The following FBN2 variants were observed in gnomAD, a reference collection of about 807,000 sequenced individuals.
FBN2 encodes fibrillin-2.
A neutral mutation model predicts 355.6 loss-of-function variants in FBN2; 105 were observed. That is an observed-to-expected ratio of 0.30 (90% CI 0.25 to 0.35). The LOEUF (loss-of-function observed/expected upper bound fraction) is 0.35. Ranked by LOEUF, FBN2 falls within the 10% of genes least tolerant of loss-of-function variation. The pLI is 1.00. For missense variants in FBN2, 3,280 were observed against 3,758.7 expected (o/e 0.87, Z 3.33); for synonymous variants, 1,350 against 1,301.2 (o/e 1.04, Z -0.81).
intron 62 of FBN2, among the ~76,000 whole-genome samples, chr5:128,266,177 G>T (rs1765110051): frequency 6.6e-6 from 1 of 152,174 alleles, no homozygotes; most frequent in Non-Finnish European, 1.5e-5. Flanking sequence ...AAGAAAGTCA[G>T]CAATTTTATT....
At chr5:128,462,043 T>C (rs1015551407) in intron 6 of FBN2, among the ~76,000 whole-genome samples, 13 of 152,192 alleles carry the variant, frequency 8.5e-5, no homozygotes, top group Non-Finnish European at 1.8e-4. Flanking sequence ...ATTATCTTAA[T>C]TTCCTGTTGT....
At chr5:128,395,006 G>T in intron 9 of FBN2, 116 bp downstream of exon 9, 2 of 1,197,692 alleles carry the variant, frequency 1.7e-6, no homozygotes, top group South Asian at 2.5e-5. Flanking sequence ...GGCTGGTTTT[G>T]AACTTCTGGA....
At chr5:128,260,709 C>T (rs1170792805) in intron 64 of FBN2, among the ~76,000 whole-genome samples, 2 of 152,164 alleles carry the variant, frequency 1.3e-5, no homozygotes, top group Non-Finnish European at 2.9e-5. Flanking sequence ...GTAACACTGG[C>T]TTATTTATTA....
chr5:128,291,925 C>A (rs1209589097), intron 48 of FBN2, among the ~76,000 whole-genome samples: 1 of 152,108 alleles, frequency 6.6e-6, no homozygotes, highest in African/African-American at 2.4e-5. Flanking sequence ...CTGACATGAA[C>A]AACTCCATGT....
At chr5:128,400,278 T>A (rs1199877390) in intron 8 of FBN2, among the ~76,000 whole-genome samples, 2 of 150,494 alleles carry the variant, frequency 1.3e-5, no homozygotes, top group Non-Finnish European at 3.0e-5. Context: ...GAAAAAAAAA[T>A]AGAGTCAATA....
chr5:128,393,351 A>G lies in FBN2; in HGVS notation c.1249T>C (p.Cys417Arg). ...CCTCCCATTGGAAGTCCATCCATGC[A>G]AAGTCTGCGATATTCCTCTAGAAGA... ...VRGSEEYRRL[C>R]MDGLPMGGIP... The change falls in exon 10 of 65, where the codon TGC becomes CGC. Residue 417 changes from cysteine to arginine, a missense_variant. By Grantham distance (180) the Cys-to-Arg change is radical. Around this residue, in one of 6 missense-constraint regions of FBN2, gnomAD observed 343 missense variants for 331.0 expected, o/e 1.04. Coordinates refer to ENST00000262464, the MANE Select transcript of FBN2 (RefSeq NM_001999.4). 1 of 1,614,120 alleles carries G rather than the reference A, an allele frequency of 6.2e-7. No individual in the cohort carries two copies. Among genetic ancestry groups the G allele is most frequent in the Non-Finnish European group, 8.5e-7 (1 of 1,179,980 alleles).
rs749647897 is a variant in FBN2 at position 128,301,395 on chromosome 5, G to C, written c.6033C>G (p.Gly2011=). ...CNEGYELTPD[G]KNCIDTNECV... ...TTAAATACTTACCTATACAGTTTTT[G>C]CCATCTGGGGTAAGTTCATAACCTT... Residue 2011 remains glycine (G), a synonymous_variant, in exon 47 of 65, where the codon GGC becomes GGG. Coordinates refer to ENST00000262464, the MANE Select transcript of FBN2 (RefSeq NM_001999.4). 5.0e-6 allele frequency: 8 copies of C among 1,612,948 alleles called. 1 individual carries two copies. The East Asian group carries it at 1.8e-4, about 36-fold the overall frequency.
Position 128,311,321 on chromosome 5 carries a change from C to T in FBN2, c.5053G>A (p.Glu1685Lys), listed in dbSNP as rs1750051032. 4.3e-6 allele frequency: 7 copies of T among 1,614,108 alleles called. No individual in the cohort carries two copies. Among genetic ancestry groups the T allele is most frequent in the South Asian group, 1.1e-5 (1 of 91,086 alleles). The change falls in exon 39 of 65, where the codon GAG becomes AAG. Residue 1685 changes from glutamate (E) to lysine (K), a missense_variant. Glu to Lys is a moderately conservative substitution (Grantham distance 56, BLOSUM62 1). Coordinates refer to ENST00000262464, the MANE Select transcript of FBN2 (RefSeq NM_001999.4). ...TCACCTTCACAGATGCGGGTATCCT[C>T]GCTGAGGTAGTAGCCTTGTGGGCAC... ...CECPQGYYLS[E>K]DTRICEDIDE...
At chr5:128,495,474 TA>T (rs1755632493) in intron 5 of FBN2, among the ~76,000 whole-genome samples, 1 of 152,012 alleles carries the variant, frequency 6.6e-6, no homozygotes, top group African/African-American at 2.4e-5. Flanking sequence ...GTTTAAGTAG[TA>T]AAAATGCAAA....
Position 128,280,206 on chromosome 5 carries a change from C to T in FBN2, c.7124G>A (p.Gly2375Asp). The change falls in exon 56 of 65, where the codon GGC becomes GAC. Residue 2375 changes from glycine (G) to aspartate (D), a missense_variant. By Grantham distance (94) the Gly-to-Asp change is moderately conservative (BLOSUM62 -1). Around this residue, in one of 6 missense-constraint regions of FBN2, gnomAD observed 2,284 missense variants for 2,749.5 expected, o/e 0.83. Transcript: ENST00000262464. The stretch of plus-strand genomic sequence containing the variant: ...TGTCAACTTACCAAGGCATTCAGTG[C>T]CTGAAGAACTTGACTGGAATCCTTC... ...CNEGFQSSSS[G>D]TECLDNRQGL... 6.2e-7 allele frequency: 1 copy of T among 1,612,182 alleles called. No individual in the cohort carries two copies. The highest frequency in any genetic ancestry group is 8.5e-7 in the Non-Finnish European group (1 of 1,178,650).
In FBN2 at chr5:128,281,059, C is replaced by G. The variant is rs973037172; in HGVS notation, c.7013-742G>C. ...TATACTTAAAATTTTTAAAAATTTA[C>G]TGACATTTATATTTGCATGCACTTT... On this transcript the variant is annotated intron_variant, in intron 55 of 64. Coordinates refer to ENST00000262464, the MANE Select transcript of FBN2 (RefSeq NM_001999.4). Among the ~76,000 whole-genome samples the G allele has an allele frequency of 3.9e-5, 6 of 152,144 alleles. No homozygotes were observed. In the South Asian group the frequency reaches 1.2e-3, roughly 32 times the overall value.
Position 128,334,721 on chromosome 5 carries a change from G to A in FBN2, c.4097C>T (p.Thr1366Ile), listed in dbSNP as rs1181721525. ...YSVKKGTTGC[T>I]DVDECEIGAH... ...GAGAACACAAGCTTGAAACCTACCT[G>A]TACATCCTGTGGTCCCCTTCTTCAC... The change falls in exon 31 of 65, where the codon ACA becomes ATA. Residue 1366 changes from threonine to isoleucine, a missense_variant and splice_region_variant. Coordinates refer to ENST00000262464, the MANE Select transcript of FBN2 (RefSeq NM_001999.4). 1 of 1,614,138 alleles carries A rather than the reference G, an allele frequency of 6.2e-7. No homozygotes were observed. The highest frequency in any genetic ancestry group is 8.5e-7 in the Non-Finnish European group (1 of 1,179,984).
intron 32 of FBN2, among the ~76,000 whole-genome samples, chr5:128,331,601 C>T (rs920621869): frequency 4.9e-4 from 74 of 152,008 alleles, no homozygotes; most frequent in African/African-American, 1.4e-3. Flanking sequence ...CCTGCTGCTA[C>T]GTGGAGAATG....
At chr5:128,429,166 T>C (rs930661452) in intron 7 of FBN2, among the ~76,000 whole-genome samples, 1 of 152,114 alleles carries the variant, frequency 6.6e-6, no homozygotes, top group Non-Finnish European at 1.5e-5. Flanking sequence ...ACCTTCTCCC[T>C]CTCCCACACT....
intron 16 of FBN2, among the ~76,000 whole-genome samples, chr5:128,367,274 T>C (rs973676488): frequency 6.6e-6 from 1 of 152,164 alleles, no homozygotes. Context: ...TTCATTTTTT[T>C]AATACCCTCA....
chr5:128,447,445 C>T (rs984462322), intron 6 of FBN2, among the ~76,000 whole-genome samples: 29 of 152,262 alleles, frequency 1.9e-4, no homozygotes, highest in South Asian at 2.1e-4. Flanking sequence ...AAATAAGCCC[C>T]GGTCTCCCTT....
chr5:128,408,776 G>T lies in FBN2; in HGVS notation c.976C>A (p.Pro326Thr). The T allele has an allele frequency of 1.2e-6, 2 of 1,613,862 alleles. No individual in the cohort carries two copies. Among genetic ancestry groups the T allele is most frequent in the Non-Finnish European group, 1.7e-6 (2 of 1,179,832 alleles). The change falls in exon 8 of 65, where the codon CCT becomes ACT. Residue 326 changes from proline (P) to threonine (T), a missense_variant. Pro to Thr is a conservative substitution (Grantham distance 38). Around this residue, in one of 6 missense-constraint regions of FBN2, gnomAD observed 343 missense variants for 331.0 expected, o/e 1.04. Transcript: ENST00000262464. ...CATTCACCAGTTTCACATATCCCAG[G>T]AATGATGCTGCACTCATCAATGTCT... ...CEDIDECSII[P>T]GICETGECSN...
At chr5:128,357,164 T>G in intron 20 of FBN2, 112 bp downstream of exon 20, 1 of 1,322,010 alleles carries the variant, frequency 7.6e-7, no homozygotes, top group Non-Finnish European at 1.1e-6. Flanking sequence ...TAACATAATG[T>G]GTAATTCTTT....
intron 32 of FBN2, 59 bp downstream of exon 32, chr5:128,332,853 A>C (rs1750729434): frequency 6.4e-7 from 1 of 1,557,616 alleles, no homozygotes; most frequent in Non-Finnish European, 8.9e-7. Context: ...ACAACCATGC[A>C]AAAAAGAGCC....
Sources: allele counts gnomAD v4.1 joint callset (sites outside exome capture counted in the v4.1 genomes callset), GRCh38; gene constraint gnomAD v4.1.1; regional missense constraint gnomAD v4.1.1; transcripts MANE v1.5; gene names NCBI Gene and HGNC (gene_info 2026-07-23, HGNC 2026-07-21).